Variants in MGRN1 observed in about 807,000 individuals in gnomAD.
MGRN1 encodes the protein mahogunin ring finger 1.
A neutral mutation model predicts 69.2 loss-of-function variants in MGRN1; 29 were observed. That is an observed-to-expected ratio of 0.42 (90% CI 0.31 to 0.57). The LOEUF (loss-of-function observed/expected upper bound fraction) is 0.57. Ranked by LOEUF, MGRN1 falls within the 20% of genes least tolerant of loss-of-function variation. The probability of loss-of-function intolerance (pLI) is 0.15; values close to 1 mark genes in which losing one functional copy is unlikely to be tolerated. For synonymous variants in MGRN1, 470 were observed against 344.2 expected, an observed-to-expected ratio of 1.37 and a Z score of -4.04; for missense variants, 998 against 796.2, an observed-to-expected ratio of 1.25 and a Z score of -3.05.
At position 4,636,633 on chromosome 16, in the gene MGRN1, C is replaced by T. The variant is rs563502932; in HGVS notation, c.88+11585C>T. ...TGCAGGCAAGAACAAGGGTGTTGGT[C>T]GCTCTGCATTCATACTGGCACTAGG... On this transcript the variant is annotated intron_variant, in intron 1 of 16. Coordinates refer to ENST00000262370, the MANE Select transcript of MGRN1 (RefSeq NM_015246.4). 4.6e-5 allele frequency among the ~76,000 whole-genome samples: 7 copies of T among 152,128 alleles called. No homozygotes were observed. In the South Asian group the frequency reaches 6.2e-4, roughly 14 times the overall value.
At chr16:4,654,523 G>A (rs943208722) in intron 4 of MGRN1, among the ~76,000 whole-genome samples, 2 of 152,236 alleles carry the variant, frequency 1.3e-5, no homozygotes, top group South Asian at 2.1e-4. Flanking sequence ...AGGCAAGAGC[G>A]TGCCCCCTGC....
In MGRN1 at chr16:4,673,710, C is replaced by G. The variant is rs146205631; in HGVS notation, c.955+53C>G. The G allele has an allele frequency of 9.9e-4, 1,574 of 1,594,522 alleles. 2 individuals carry two copies. Among genetic ancestry groups the G allele is most frequent in the Admixed American group, 1.3e-3 (78 of 59,118 alleles). On this transcript the variant is annotated intron_variant, in intron 10 of 16. Transcript: ENST00000262370. ...GAAGGTTCTGGAAATTAGGGACTGG[C>G]CACACCACGGTGGTCCTGGGATAGG... is the stretch of plus-strand genomic sequence containing the variant.
At chr16:4,669,049 C>T (rs1567217969) in intron 8 of MGRN1, 1 of 152,180 alleles carries the variant, frequency 6.6e-6, no homozygotes, top group African/African-American at 2.4e-5. Context: ...CACATATACT[C>T]ACACACACTT....
intron 1 of MGRN1, among the ~76,000 whole-genome samples, chr16:4,629,945 C>T (rs1341330164): frequency 1.3e-5 from 2 of 149,246 alleles, no homozygotes; most frequent in African/African-American, 5.0e-5. Flanking sequence ...ACTCAGGAGG[C>T]TGAGTCAGGA....
intron 7 of MGRN1, 57 bp downstream of exon 7, chr16:4,665,208 C>A (rs2141925047): frequency 6.3e-7 from 1 of 1,589,444 alleles, no homozygotes; most frequent in Non-Finnish European, 8.6e-7. Flanking sequence ...CAGGGGGTGG[C>A]CTTTTGAGAC....
intron 7 of MGRN1, among the ~76,000 whole-genome samples, chr16:4,665,532 C>G (rs1302704344): frequency 6.6e-6 from 1 of 151,780 alleles, no homozygotes; most frequent in African/African-American, 2.4e-5. Flanking sequence ...CCACGCCTGG[C>G]TAATTTTTGT....
chr16:4,680,341 C>G (rs1460806497), intron 12 of MGRN1: 2 of 497,244 alleles, frequency 4.0e-6, no homozygotes, highest in African/African-American at 2.0e-5. Flanking sequence ...CTCCGCCCCG[C>G]GTGGCCCCCG....
chr16:4,689,253 C>T lies in MGRN1; in HGVS notation c.*345C>T, dbSNP rs2079405238. 4.0e-6 allele frequency: 1 copy of T among 247,186 alleles called. No individual in the cohort carries two copies. Among genetic ancestry groups the T allele is most frequent in the Non-Finnish European group, 7.8e-6 (1 of 128,780 alleles). The allele number at this position is 247,186 out of a possible 1,614,324, so 15.3% of individuals were successfully genotyped here. A position where few individuals can be genotyped will look rare whatever the true frequency, so the allele number is the denominator to read the frequency against. The stretch of plus-strand genomic sequence containing the variant: ...CTGCCTGCTCCTGCAACAGTGCGGT[C>T]CCTGCCCGGAGAACTCAGGAGGCCT... On this transcript the variant is annotated 3_prime_UTR_variant, in exon 17 of 17. Transcript: ENST00000262370.
chr16:4,641,978 A>G (rs987179945), intron 1 of MGRN1, among the ~76,000 whole-genome samples: 1 of 151,862 alleles, frequency 6.6e-6, no homozygotes, highest in African/African-American at 2.4e-5. Flanking sequence ...AGGTGTTTCC[A>G]GTTCTTCCCA....
chr16:4,644,519 A>C (rs896705921), intron 1 of MGRN1, among the ~76,000 whole-genome samples: 1 of 151,986 alleles, frequency 6.6e-6, no homozygotes, highest in Non-Finnish European at 1.5e-5. Context: ...CATTATGGTC[A>C]GGCTGGTCTC....
chr16:4,663,376 T>TTTTG (rs1270161893), intron 5 of MGRN1, among the ~76,000 whole-genome samples: 1 of 133,316 alleles, frequency 7.5e-6, no homozygotes, highest in East Asian at 2.5e-4. Flanking sequence ...TTTTTTTTTT[T>TTTTG]TTTTTTTTTT....
intron 15 of MGRN1, 39 bp from the exon 16 acceptor site, chr16:4,683,804 C>T (rs769722742): frequency 1.3e-6 from 2 of 1,585,788 alleles, no homozygotes; most frequent in East Asian, 2.3e-5. Context: ...GGGACCTGGC[C>T]CCTGCCTGTA....
intron 5 of MGRN1, among the ~76,000 whole-genome samples, chr16:4,661,021 T>G (rs554387140): frequency 6.6e-6 from 1 of 152,210 alleles, no homozygotes; most frequent in South Asian, 2.1e-4. Context: ...TCACTCTGTC[T>G]CCCAGGCTGG....
intron 11 of MGRN1, among the ~76,000 whole-genome samples, chr16:4,679,722 C>G (rs1360094438): frequency 1.3e-5 from 2 of 152,234 alleles, no homozygotes; most frequent in African/African-American, 4.8e-5. Context: ...GCTGCCCTCA[C>G]GTCCACCTTG....
intron 5 of MGRN1, among the ~76,000 whole-genome samples, chr16:4,661,005 A>G (rs2078667104): frequency 6.6e-6 from 1 of 151,732 alleles, no homozygotes; most frequent in Non-Finnish European, 1.5e-5. Flanking sequence ...TTTTTGAGAC[A>G]GGGGCTCACT....
chr16:4,638,018 C>T (rs1210033856), intron 1 of MGRN1, among the ~76,000 whole-genome samples: 1 of 152,224 alleles, frequency 6.6e-6, no homozygotes, highest in Non-Finnish European at 1.5e-5. Flanking sequence ...AGCCAGAGCC[C>T]TGTATTTAAT....
intron 16 of MGRN1, chr16:4,688,239 C>G: frequency 1.0e-6 from 1 of 985,852 alleles, no homozygotes; most frequent in Middle Eastern, 5.2e-4. Context: ...CCCAGGGACG[C>G]CAGACCCATC....
At chr16:4,628,319 A>G (rs1252319999) in intron 1 of MGRN1, among the ~76,000 whole-genome samples, 1 of 147,064 alleles carries the variant, frequency 6.8e-6, no homozygotes, top group Non-Finnish European at 1.5e-5. Flanking sequence ...CCGGGAGGTG[A>G]AGCTTGCAGT....
intron 1 of MGRN1, among the ~76,000 whole-genome samples, chr16:4,628,704 C>T (rs938905737): frequency 6.6e-6 from 1 of 152,064 alleles, no homozygotes; most frequent in African/African-American, 2.4e-5. Flanking sequence ...ACCACCACGC[C>T]CGGCTAATTT....
Sources: gnomAD v4.1 joint callset for allele counts (sites outside exome capture counted in the v4.1 genomes callset) on GRCh38, gnomAD v4.1.1 for gene constraint, MANE v1.5 for transcripts, NCBI Gene and HGNC (gene_info 2026-07-23, HGNC 2026-07-21) for gene names.